The following SOS2 variants were observed in gnomAD, a reference collection of about 807,000 sequenced individuals.
The protein encoded by SOS2 is son of sevenless homolog 2.
SOS2 carries 65 observed loss-of-function variants against 148.2 expected under a neutral mutation model. That is an observed-to-expected ratio of 0.44 (90% CI 0.36 to 0.54). The LOEUF is 0.54. Ranked by LOEUF, SOS2 falls within the 20% of genes least tolerant of loss-of-function variation. SOS2 has a pLI of 0.00. For missense variants in SOS2, 1,341 were observed against 1,590.2 expected (o/e 0.84, Z 2.67); for synonymous variants, 539 against 537.1 (o/e 1.00, Z -0.05).
At chr14:50,119,536 T>A (rs1883428915) in intron 22 of SOS2, among the ~76,000 whole-genome samples, 1 of 152,120 alleles carries the variant, frequency 6.6e-6, no homozygotes, top group African/African-American at 2.4e-5. Flanking sequence ...TTTTTATTTT[T>A]ATTTTTAGTT....
intron 1 of SOS2, among the ~76,000 whole-genome samples, chr14:50,217,308 G>A (rs151310321): frequency 2.0e-5 from 3 of 152,050 alleles, no homozygotes; most frequent in Non-Finnish European, 2.9e-5. Context: ...TATATAAAAT[G>A]ATTCAATCAG....
chr14:50,198,206 T>C (rs1886374062), intron 4 of SOS2, among the ~76,000 whole-genome samples: 1 of 152,184 alleles, frequency 6.6e-6, no homozygotes, highest in East Asian at 1.9e-4. Context: ...GGATTTTGAC[T>C]GTCAGTCATA....
chr14:50,231,160 C>T lies in SOS2; in HGVS notation c.87+37G>A, dbSNP rs2273326. On this transcript the variant is annotated intron_variant, in intron 1 of 22. Coordinates refer to ENST00000216373, the MANE Select transcript of SOS2 (RefSeq NM_006939.4). The stretch of plus-strand genomic sequence containing the variant: ...TCCCCGTTAGAAGCTCGGGGGGCCA[C>T]GGGCCACCCGCCGGCCGCCCCGCCC... 232,572 of 1,242,436 alleles carry T rather than the reference C, an allele frequency of 0.19. 23,712 individuals carry two copies. The highest frequency in any genetic ancestry group is 0.45 in the East Asian group (14,322 of 31,820). 77.0% of individuals were successfully genotyped at this position (1,242,436 alleles called of 1,614,324 possible).
chr14:50,195,037 T>C (rs545528053), intron 4 of SOS2, among the ~76,000 whole-genome samples: 4 of 152,236 alleles, frequency 2.6e-5, no homozygotes, highest in Admixed American at 2.0e-4. Context: ...TGCTGGAACA[T>C]AGCCTCAATA....
intron 8 of SOS2, among the ~76,000 whole-genome samples, chr14:50,164,434 T>C (rs781451474): frequency 6.6e-6 from 1 of 151,672 alleles, no homozygotes; most frequent in Non-Finnish European, 1.5e-5. Flanking sequence ...AGTGAGACTC[T>C]GTCCCCCGCA....
intron 2 of SOS2, among the ~76,000 whole-genome samples, chr14:50,201,483 G>C (rs905865825): frequency 2.1e-5 from 3 of 144,624 alleles, no homozygotes; most frequent in Non-Finnish European, 4.5e-5. Context: ...GCAGCAAGCC[G>C]AGATCATGCC....
rs1049230296 is a variant in SOS2, at chr14:50,163,056, C to A, written c.1069-1447G>T. On this transcript the variant is annotated intron_variant, in intron 8 of 22. Coordinates refer to ENST00000216373, the MANE Select transcript of SOS2 (RefSeq NM_006939.4). ...AGCTAGAACTACAGATGTGTGCCAC[C>A]ATGCTTGGCTAATTTTTTTTTTTAA... Among the ~76,000 whole-genome samples the A allele has an allele frequency of 5.3e-5, 8 of 151,580 alleles. 1 individual carries two copies. The highest frequency in any genetic ancestry group is 1.9e-4 in the African/African-American group (8 of 41,244).
intron 1 of SOS2, among the ~76,000 whole-genome samples, chr14:50,219,483 A>G (rs746010510): frequency 6.6e-6 from 1 of 152,186 alleles, no homozygotes; most frequent in Non-Finnish European, 1.5e-5. Context: ...GCAATCGATA[A>G]TGACAGAAAA....
chr14:50,123,278 G>C (rs1883577956), intron 21 of SOS2, among the ~76,000 whole-genome samples: 1 of 151,940 alleles, frequency 6.6e-6, no homozygotes, highest in Admixed American at 6.6e-5. Context: ...GAGAATAAGT[G>C]ATGAGGTCTG....
chr14:50,230,486 G>C (rs1222687809), intron 1 of SOS2, among the ~76,000 whole-genome samples: 1 of 152,160 alleles, frequency 6.6e-6, no homozygotes, highest in Non-Finnish European at 1.5e-5. Context: ...ATGCACCCTA[G>C]CAATGCACCC....
intron 1 of SOS2, among the ~76,000 whole-genome samples, chr14:50,223,412 T>A: frequency 6.6e-6 from 1 of 151,784 alleles, no homozygotes. Flanking sequence ...TGGTGGCTCA[T>A]CCCTGTAATC....
chr14:50,209,514 C>T (rs1213486207), intron 1 of SOS2, among the ~76,000 whole-genome samples: 3 of 152,222 alleles, frequency 2.0e-5, no homozygotes, highest in East Asian at 3.9e-4. Context: ...CTCCTGTAAT[C>T]CCAGCACTTT....
chr14:50,157,303 TCTTA>T (rs1337412644), intron 11 of SOS2, among the ~76,000 whole-genome samples, 182 bp from the exon 12 acceptor site: 1 of 152,146 alleles, frequency 6.6e-6, no homozygotes, highest in Non-Finnish European at 1.5e-5. Context: ...CGTTTTGTAT[TCTTA>T]CTTTTATAAA....
intron 2 of SOS2, among the ~76,000 whole-genome samples, chr14:50,202,014 G>A (rs969284460): frequency 6.6e-6 from 1 of 152,188 alleles, no homozygotes; most frequent in African/African-American, 2.4e-5. Context: ...TGAAGTGCAA[G>A]TGCAGTGGCG....
chr14:50,207,751 A>T (rs6572649), intron 1 of SOS2, among the ~76,000 whole-genome samples: 138,468 of 151,638 alleles, frequency 0.91, 63,382 homozygotes, highest in African/African-American at 0.96. Context: ...ACTAAAAATA[A>T]AAAAATCAGC....
At chr14:50,165,797 C>T (rs761568813) in intron 8 of SOS2, among the ~76,000 whole-genome samples, 23 of 152,088 alleles carry the variant, frequency 1.5e-4, no homozygotes, top group East Asian at 5.8e-4. Context: ...GCTCTGTGCA[C>T]GCTCTTTTAT....
At chr14:50,153,197 T>TGTGTTTC in intron 12 of SOS2, 24 bp from the exon 13 acceptor site, 1 of 1,381,684 alleles carries the variant, frequency 7.2e-7, no homozygotes, top group Non-Finnish European at 1.0e-6. Context: ...AAGAAACACA[T>TGTGTTTC]TTTAGTGAAA....
Position 50,118,865 on chromosome 14 carries a change from A to AAAGTAATTAAATT in SOS2, c.3490-13_3490-12insAATTTAATTACTT. 6.9e-7 allele frequency: 1 copy of AAAGTAATTAAATT among 1,445,018 alleles called. No individual in the cohort carries two copies. The highest frequency in any genetic ancestry group is 9.2e-7 in the Non-Finnish European group (1 of 1,089,422). The allele number at this position is 1,445,018 out of a possible 1,614,324, so 89.5% of individuals were successfully genotyped here. A position where few individuals can be genotyped will look rare whatever the true frequency, so the allele number is the denominator to read the frequency against. On this transcript the variant is annotated splice_polypyrimidine_tract_variant and intron_variant, in intron 22 of 22. Transcript: ENST00000216373. ...GATTTCATATTTCCCTCAAAAAAAAAAGTAATTAAATTATACCTCTATTCT... is the reference window on the plus strand; with the variant it reads ...GATTTCATATTTCCCTCAAAAAAAAAAAGTAATTAAATTAGTAATTAAATTATACCTCTATTCT...
At chr14:50,178,178 T>G (rs1056428421) in intron 7 of SOS2, among the ~76,000 whole-genome samples, 6 of 152,206 alleles carry the variant, frequency 3.9e-5, no homozygotes, top group African/African-American at 1.4e-4. Flanking sequence ...ATCCCCAATT[T>G]TGGAGGTGGG....
Sources: allele counts gnomAD v4.1 joint callset (sites outside exome capture counted in the v4.1 genomes callset), GRCh38; gene constraint gnomAD v4.1.1; transcripts MANE v1.5; gene names NCBI Gene and HGNC (gene_info 2026-07-23, HGNC 2026-07-21).